PREPL: variants seen among roughly 807,000 people sequenced by gnomAD.
The protein encoded by PREPL is prolyl endopeptidase-like.
Under a neutral mutation model 70.6 loss-of-function variants are expected in PREPL, and 77 were observed. The observed-to-expected ratio is 1.09, with a 90% CI of 0.91 to 1.32. The LOEUF (loss-of-function observed/expected upper bound fraction) is 1.32, where lower values mean the gene tolerates loss of function less well. PREPL is among the 40% of genes most tolerant of loss of function. The pLI is 0.00. For synonymous variants in PREPL, 315 were observed against 264.8 expected (o/e 1.19, Z -1.84); for missense variants, 1,002 against 778.2 (o/e 1.29, Z -3.42).
At chr2:44,349,240 C>T (rs1175546691) in intron 1 of PREPL, among the ~76,000 whole-genome samples, 1 of 152,144 alleles carries the variant, frequency 6.6e-6, no homozygotes, top group Admixed American at 6.5e-5. Flanking sequence ...TCAGTCAAGA[C>T]TAATTAGCCA....
At chr2:44,340,996 TA>T (rs954310620) in intron 5 of PREPL, among the ~76,000 whole-genome samples, 6 of 152,112 alleles carry the variant, frequency 3.9e-5, no homozygotes, top group Non-Finnish European at 7.4e-5. Flanking sequence ...TCCATTTTGT[TA>T]CCTAGATTTT....
At position 44,320,091 on chromosome 2, in the gene PREPL, A is replaced by C; in HGVS notation, c.*1265T>G. The C allele has an allele frequency of 1.0e-6, 1 of 984,386 alleles. No homozygotes were observed. The highest frequency in any genetic ancestry group is 1.5e-6 in the Non-Finnish European group (1 of 667,240). 61.0% of individuals were successfully genotyped at this position (984,386 alleles called of 1,614,324 possible). A position where few individuals can be genotyped will look rare whatever the true frequency, so the allele number is the denominator to read the frequency against. ...TACAATTTGGCAATTATAAGGGGCA[A>C]AATTGGAGCAAGTGTTTTGGGTAAA... On this transcript the variant is annotated 3_prime_UTR_variant, in exon 14 of 14. Coordinates refer to ENST00000409411, the MANE Select transcript of PREPL (RefSeq NM_001171613.2).
At position 44,332,675 on chromosome 2, in the gene PREPL, T is replaced by A. The variant is rs778574532; in HGVS notation, c.889-19A>T. Reference sequence around the variant, plus strand: ...GAGGGAGCTAAAGAAATACAACAGCTATTTTTATTCTTTATTTAGGCCACC... The same window carrying A: ...GAGGGAGCTAAAGAAATACAACAGCAATTTTTATTCTTTATTTAGGCCACC... On this transcript the variant is annotated intron_variant, in intron 7 of 13. Transcript: ENST00000409411. 1.3e-6 allele frequency: 2 copies of A among 1,571,864 alleles called. No individual in the cohort carries two copies. The highest frequency in any genetic ancestry group is 1.7e-6 in the Non-Finnish European group (2 of 1,153,518).
Position 44,329,029 on chromosome 2 carries a change from A to G in PREPL, c.1170T>C (p.Tyr390=), listed in dbSNP as rs903375297. ...LQKKPLLVHV[Y]GAYGMDLKMN... is the part of the protein sequence containing the mutation. ...TTTTCAAATCCATTCCATAAGCTCC[A>G]TATACATGTACCAAGAGAGGTTTCT... The change falls in exon 9 of 14, where the codon TAT becomes TAC. Residue 390 remains tyrosine, a synonymous_variant. Transcript: ENST00000409411. 3 of 1,613,634 alleles carry G rather than the reference A, an allele frequency of 1.9e-6. No homozygotes were observed. The highest frequency in any genetic ancestry group is 1.7e-6 in the Non-Finnish European group (2 of 1,179,524).
chr2:44,358,560 G>A (rs1677299791), intron 1 of PREPL, among the ~76,000 whole-genome samples: 1 of 152,124 alleles, frequency 6.6e-6, no homozygotes. Flanking sequence ...ACTTACTGTA[G>A]GATGACCATA....
intron 1 of PREPL, chr2:44,359,738 G>A: frequency 1.3e-6 from 2 of 1,518,188 alleles, no homozygotes; most frequent in South Asian, 2.2e-5. Flanking sequence ...CCTGGTTTAT[G>A]CTCCTTTTGG....
chr2:44,352,565 T>A (rs1002902645), intron 1 of PREPL, among the ~76,000 whole-genome samples: 1 of 152,174 alleles, frequency 6.6e-6, no homozygotes, highest in Non-Finnish European at 1.5e-5. Flanking sequence ...GCCTTGTTCA[T>A]GTAATTCTTT....
intron 8 of PREPL, among the ~76,000 whole-genome samples, chr2:44,331,403 A>G (rs1398680479): frequency 1.3e-5 from 2 of 151,996 alleles, no homozygotes; most frequent in African/African-American, 2.4e-5. Context: ...TTTAGTAGAG[A>G]TGGGGTTTCA....
rs1169073874 is a variant in PREPL at position 44,334,535 on chromosome 2, T to A, written c.889-1879A>T. Reference sequence around the variant, plus strand: ...TATGTGAAGGGTTTTACATTTCTGTTGCTAAGATAGAATTTATTTATTTAT... The same window carrying A: ...TATGTGAAGGGTTTTACATTTCTGTAGCTAAGATAGAATTTATTTATTTAT... On this transcript the variant is annotated intron_variant, in intron 7 of 13. Coordinates refer to ENST00000409411, the MANE Select transcript of PREPL (RefSeq NM_001171613.2). Among the ~76,000 whole-genome samples the A allele has an allele frequency of 3.3e-5, 5 of 152,120 alleles. No individual in the cohort carries two copies. In the South Asian group the frequency reaches 8.3e-4, roughly 25 times the overall value.
At chr2:44,353,855 A>C (rs1401976640) in intron 1 of PREPL, among the ~76,000 whole-genome samples, 2 of 151,826 alleles carry the variant, frequency 1.3e-5, no homozygotes, top group Non-Finnish European at 2.9e-5. Flanking sequence ...ACTATAAACA[A>C]AATGAACTCA....
Position 44,328,933 on chromosome 2 carries a change from T to C in PREPL, c.1262+4A>G. The C allele has an allele frequency of 6.2e-7, 1 of 1,609,796 alleles. No individual in the cohort carries two copies. Among genetic ancestry groups the C allele is most frequent in the Admixed American group, 1.7e-5 (1 of 59,266 alleles). On this transcript the variant is annotated splice_donor_region_variant and intron_variant, in intron 9 of 13. Coordinates refer to ENST00000409411, the MANE Select transcript of PREPL (RefSeq NM_001171613.2). ...TACATGCCAGGTAAAATATACTGAC[T>C]CACCGAACATGGCAGTATGCTAATA...
chr2:44,355,817 A>G (rs576721701), intron 1 of PREPL, among the ~76,000 whole-genome samples: 1 of 151,144 alleles, frequency 6.6e-6, no homozygotes, highest in Non-Finnish European at 1.5e-5. Flanking sequence ...CTATTGCAGG[A>G]GCTGCTAACC....
chr2:44,339,993 CTTCT>C (rs1324438119), intron 5 of PREPL, among the ~76,000 whole-genome samples: 6 of 151,876 alleles, frequency 4.0e-5, no homozygotes, highest in Admixed American at 1.3e-4. Context: ...TAAATTTTTC[CTTCT>C]AAGTTATATT....
chr2:44,329,059 C>T lies in PREPL; in HGVS notation c.1140G>A (p.Leu380=), dbSNP rs779284448. 2 of 1,612,182 alleles carry T rather than the reference C, an allele frequency of 1.2e-6. No individual in the cohort carries two copies. Among genetic ancestry groups the T allele is most frequent in the Non-Finnish European group, 1.7e-6 (2 of 1,178,404 alleles). Reference sequence around the variant, plus strand: ...CATGTACCAAGAGAGGTTTCTTCTGCAAGTCCTCAGAGTCAGTTTTGTGGA... The same window carrying T: ...CATGTACCAAGAGAGGTTTCTTCTGTAAGTCCTCAGAGTCAGTTTTGTGGA... ...TVFHKTDSED[L]QKKPLLVHVY... Residue 380 remains leucine, a synonymous_variant, in exon 9 of 14, where the codon TTG becomes TTA. Coordinates refer to ENST00000409411, the MANE Select transcript of PREPL (RefSeq NM_001171613.2).
intron 1 of PREPL, chr2:44,359,645 T>G: frequency 1.2e-6 from 2 of 1,613,234 alleles, no homozygotes; most frequent in Non-Finnish European, 1.7e-6. Flanking sequence ...ATGCTGTTTC[T>G]GCATGCATTT....
Position 44,318,221 on chromosome 2 carries a change from G to A in PREPL, c.*3135C>T, listed in dbSNP as rs762726749. On this transcript the variant is annotated 3_prime_UTR_variant, in exon 14 of 14. Coordinates refer to ENST00000409411, the MANE Select transcript of PREPL (RefSeq NM_001171613.2). ...TTCTCCTGCTGCAGCCTCCCAAGTA[G>A]CTGGGATTACAGGTGCACGTCATTA... 5 of 376,164 alleles carry A rather than the reference G, an allele frequency of 1.3e-5. No individual in the cohort carries two copies. Among genetic ancestry groups the A allele is most frequent in the South Asian group, 7.4e-5 (4 of 53,878 alleles). 23.3% of individuals were successfully genotyped at this position (376,164 alleles called of 1,614,324 possible). A position where few individuals can be genotyped will look rare whatever the true frequency, so the allele number is the denominator to read the frequency against.
rs1204717453 is a variant in PREPL, at chr2:44,319,761, C to T, written c.*1595G>A. ...TACACGATCTTCGCACAACAGCAAC[C>T]TACACATTAGTCTACAAAGGGGAAC... is the stretch of plus-strand genomic sequence containing the variant. On this transcript the variant is annotated 3_prime_UTR_variant, in exon 14 of 14. Transcript: ENST00000409411. 2 of 162,618 alleles carry T rather than the reference C, an allele frequency of 1.2e-5. No individual in the cohort carries two copies. Among genetic ancestry groups the T allele is most frequent in the African/African-American group, 4.8e-5 (2 of 41,536 alleles). The allele number at this position is 162,618 out of a possible 1,614,324, so 10.1% of individuals were successfully genotyped here. A position where few individuals can be genotyped will look rare whatever the true frequency, so the allele number is the denominator to read the frequency against.
intron 8 of PREPL, among the ~76,000 whole-genome samples, chr2:44,331,369 C>A (rs775198594): frequency 2.0e-5 from 3 of 152,086 alleles, no homozygotes; most frequent in Admixed American, 6.5e-5. Flanking sequence ...CACCTGCCAC[C>A]ACACCCGGCT....
intron 3 of PREPL, 43 bp downstream of exon 3, chr2:44,344,477 A>C (rs1261901104): frequency 2.3e-6 from 3 of 1,312,432 alleles, no homozygotes; most frequent in Non-Finnish European, 3.2e-6. Context: ...AAAAATATGA[A>C]ATCTGAAAAT....
Sources: allele counts gnomAD v4.1 joint callset (sites outside exome capture counted in the v4.1 genomes callset), GRCh38; gene constraint gnomAD v4.1.1; transcripts MANE v1.5; gene names NCBI Gene and HGNC (gene_info 2026-07-23, HGNC 2026-07-21).